Variants in COL5A1 observed in about 807,000 individuals in gnomAD.
COL5A1 encodes the protein collagen type V alpha 1 chain, also known as collagen alpha-1(V) chain.
In COL5A1, 16 loss-of-function variants were observed where a neutral mutation model predicts 263.7. That is an observed-to-expected ratio of 0.06 (90% CI 0.04 to 0.09). The LOEUF (loss-of-function observed/expected upper bound fraction) is 0.09. Among genes scored for constraint, COL5A1 ranks in the 10% least tolerant of loss-of-function variants. The probability of loss-of-function intolerance (pLI) is 1.00; values close to 1 mark genes in which losing one functional copy is unlikely to be tolerated. For missense variants in COL5A1, 2,036 were observed against 2,540.5 expected (o/e 0.80, Z 4.27); for synonymous variants, 1,012 against 1,004.5 (o/e 1.01, Z -0.14).
intron 4 of COL5A1, among the ~76,000 whole-genome samples, chr9:134,723,514 T>C (rs1834541226): frequency 6.6e-6 from 1 of 152,234 alleles, no homozygotes; most frequent in Non-Finnish European, 1.5e-5. Flanking sequence ...CTCCAGGTCC[T>C]GGCCACTGCT....
intron 21 of COL5A1, 42 bp from the exon 22 acceptor site, chr9:134,766,412 T>G (rs1206570395): frequency 6.2e-7 from 1 of 1,605,876 alleles, no homozygotes; most frequent in East Asian, 2.2e-5. Flanking sequence ...GTGAGTTCTT[T>G]CGCATTCAGT....
At chr9:134,791,729 C>T (rs1022315096) in intron 32 of COL5A1, among the ~76,000 whole-genome samples, 3 of 135,754 alleles carry the variant, frequency 2.2e-5, no homozygotes, top group East Asian at 2.0e-4. Context: ...CGCCCTTGGC[C>T]GCCCTTCTTT....
At chr9:134,738,404 A>G (rs1835179637) in intron 9 of COL5A1, 70 bp from the exon 10 acceptor site, 1 of 1,586,036 alleles carries the variant, frequency 6.3e-7, no homozygotes, top group Non-Finnish European at 8.6e-7. Context: ...AAGGCCGTCC[A>G]CACCACTGGG....
In COL5A1 at chr9:134,763,891, G is replaced by A. The variant is rs7032288; in HGVS notation, c.2034+154G>A. ...ACGGACCTGGGCATCTCCCAGGGAA[G>A]CCAAAGAGAGGAGGCACAGGCGAGG... is the stretch of plus-strand genomic sequence containing the variant. On this transcript the variant is annotated intron_variant, in intron 20 of 65. Coordinates refer to ENST00000371817, the MANE Select transcript of COL5A1 (RefSeq NM_000093.5). Among the ~76,000 whole-genome samples the A allele has an allele frequency of 0.13, 19,843 of 151,706 alleles. 2,237 individuals are homozygous for A. The highest frequency in any genetic ancestry group is 0.28 in the African/African-American group (11,767 of 41,302).
At chr9:134,672,669 G>C (rs1198936869) in intron 1 of COL5A1, among the ~76,000 whole-genome samples, 1 of 152,168 alleles carries the variant, frequency 6.6e-6, no homozygotes, top group Non-Finnish European at 1.5e-5. Flanking sequence ...ATCCTAGCTG[G>C]TGAAATAAGG....
In COL5A1 at chr9:134,642,325, G is replaced by T; in HGVS notation, c.109+29G>T. 1.5e-6 allele frequency: 1 copy of T among 659,274 alleles called. No homozygotes were observed. The highest frequency in any genetic ancestry group is 2.0e-6 in the Non-Finnish European group (1 of 491,682). The allele number at this position is 659,274 out of a possible 1,614,324, so 40.8% of individuals were successfully genotyped here. A position where few individuals can be genotyped will look rare whatever the true frequency, so the allele number is the denominator to read the frequency against. On this transcript the variant is annotated intron_variant, in intron 1 of 65. Transcript: ENST00000371817. The surrounding 1 kb of genome is among the most constrained non-coding windows in gnomAD (Gnocchi z 4.5). ...AGGGCGCCCCGGGGCGCGGGGCTGC[G>T]GGATGGGGCGCGCGCAGCCCGGGCG...
chr9:134,765,909 G>A lies in COL5A1; in HGVS notation c.2088+175G>A, dbSNP rs912101668. Among the ~76,000 whole-genome samples the A allele has an allele frequency of 2.6e-5, 4 of 152,186 alleles. No homozygotes were observed. The highest frequency in any genetic ancestry group is 2.1e-4 in the South Asian group (1 of 4,830). On this transcript the variant is annotated intron_variant, in intron 21 of 65. Coordinates refer to ENST00000371817, the MANE Select transcript of COL5A1 (RefSeq NM_000093.5). This position sits in a 1 kb window ranked among gnomAD's most constrained non-coding sequence, Gnocchi z 5.1. ...ACTGATGTTCAGACGCTGTAGACAC[G>A]GCCCCAGCAGGTGTGGCCTTGCAGG...
At chr9:134,751,713 G>C (rs1023977178) in intron 13 of COL5A1, among the ~76,000 whole-genome samples, 1 of 152,218 alleles carries the variant, frequency 6.6e-6, no homozygotes, top group South Asian at 2.1e-4. Context: ...AAGCTGCTAA[G>C]TAATCCCTTG....
chr9:134,756,564 C>G (rs535240118), intron 16 of COL5A1, among the ~76,000 whole-genome samples: 2 of 152,214 alleles, frequency 1.3e-5, no homozygotes, highest in Non-Finnish European at 2.9e-5. Flanking sequence ...TGTGTTCCAT[C>G]CGTTGGTGTG....
chr9:134,743,489 G>T (rs1487605781), intron 11 of COL5A1, among the ~76,000 whole-genome samples: 2 of 152,178 alleles, frequency 1.3e-5, no homozygotes, highest in Non-Finnish European at 2.9e-5. Context: ...CCCACCTGCT[G>T]GGGGGCCTGG....
intron 36 of COL5A1, 49 bp from the exon 37 acceptor site, chr9:134,798,359 T>C (rs1409548160): frequency 1.9e-6 from 3 of 1,571,830 alleles, no homozygotes; most frequent in Non-Finnish European, 2.6e-6. Flanking sequence ...TCAAAGGTGG[T>C]TGCTTCTCAG....
chr9:134,777,727 C>T (rs1837105345), intron 27 of COL5A1, among the ~76,000 whole-genome samples: 1 of 152,192 alleles, frequency 6.6e-6, no homozygotes, highest in Non-Finnish European at 1.5e-5. Context: ...GCAGCGTCCC[C>T]CAGCCTGCCC....
At chr9:134,650,291 T>C (rs1005935575) in intron 1 of COL5A1, among the ~76,000 whole-genome samples, 2 of 152,086 alleles carry the variant, frequency 1.3e-5, no homozygotes, top group African/African-American at 4.8e-5. Context: ...CACATGAGCA[T>C]CGTAACCGTC....
At position 134,741,077 on chromosome 9, in the gene COL5A1, C is replaced by A. The variant is rs1173082094; in HGVS notation, c.1494+2269C>A. On this transcript the variant is annotated intron_variant, in intron 11 of 65. Coordinates refer to ENST00000371817, the MANE Select transcript of COL5A1 (RefSeq NM_000093.5). This position sits in a 1 kb window ranked among gnomAD's most constrained non-coding sequence, Gnocchi z 4.5. ...CCTTGTTCAGGAAGCCATCCCTGCT[C>A]ACCGCTCAGCGCCCTCTTGATGTCC... Among the ~76,000 whole-genome samples, 1 of 152,228 alleles carries A rather than the reference C, an allele frequency of 6.6e-6. No homozygotes were observed. The highest frequency in any genetic ancestry group is 1.5e-5 in the Non-Finnish European group (1 of 68,048).
At chr9:134,820,419 C>T (rs1276241626) in intron 58 of COL5A1, among the ~76,000 whole-genome samples, 196 bp downstream of exon 58, 3 of 152,150 alleles carry the variant, frequency 2.0e-5, no homozygotes, top group Non-Finnish European at 4.4e-5. Flanking sequence ...TGGGCAGAGC[C>T]GTCTCCCAGC....
In COL5A1 at chr9:134,750,765, A is replaced by G. The variant is rs765249614; in HGVS notation, c.1570-25A>G. 3.1e-6 allele frequency: 5 copies of G among 1,612,552 alleles called. No homozygotes were observed. The Admixed American group carries it at 6.7e-5, about 22-fold the overall frequency. ...CTGGGTGCCACGTCACTGCTCCCAG[A>G]GTGACCCTTGTCTTACACTTGCAGT... is the stretch of plus-strand genomic sequence containing the variant. On this transcript the variant is annotated intron_variant, in intron 12 of 65. Coordinates refer to ENST00000371817, the MANE Select transcript of COL5A1 (RefSeq NM_000093.5).
intron 11 of COL5A1, among the ~76,000 whole-genome samples, chr9:134,747,228 C>T (rs759335152): frequency 1.3e-4 from 20 of 152,218 alleles, no homozygotes; most frequent in Non-Finnish European, 2.4e-4. Flanking sequence ...GGAATTGTTC[C>T]GGGTGTCGGT....
At chr9:134,670,208 G>A (rs191082848) in intron 1 of COL5A1, among the ~76,000 whole-genome samples, 24 of 152,216 alleles carry the variant, frequency 1.6e-4, no homozygotes, top group East Asian at 3.9e-4. Flanking sequence ...GTTTCCAATC[G>A]TTTGCTGTTA....
chr9:134,804,370 CT>C (rs35353947), intron 39 of COL5A1, among the ~76,000 whole-genome samples: 5,725 of 152,230 alleles, frequency 0.038, 134 homozygotes, highest in Non-Finnish European at 0.056. Context: ...TAAGGGGTGA[CT>C]TTTTTTCAGA....
Sources: allele counts gnomAD v4.1 joint callset (sites outside exome capture counted in the v4.1 genomes callset), GRCh38; gene constraint gnomAD v4.1.1; non-coding constraint Gnocchi (gnomAD v3.1); transcripts MANE v1.5; gene names NCBI Gene and HGNC (gene_info 2026-07-23, HGNC 2026-07-21).